Variants in CHMP4B observed in about 807,000 individuals in gnomAD.
CHMP4B encodes SNF7 homolog associated with Alix 1.
In CHMP4B, 1 loss-of-function variant was observed where a neutral mutation model predicts 25.1. The ratio of observed to expected loss-of-function variants is 0.04; its 90% CI spans 0.01 to 0.19. The LOEUF (loss-of-function observed/expected upper bound fraction) is 0.19, where lower values mean the gene tolerates loss of function less well. CHMP4B is among the 10% of genes least tolerant of loss of function. The probability of loss-of-function intolerance (pLI) is 1.00; values close to 1 mark genes in which losing one functional copy is unlikely to be tolerated. For synonymous variants in CHMP4B, 101 were observed against 115.6 expected (o/e 0.87, Z 0.81); for missense variants, 151 against 289.7 (o/e 0.52, Z 3.48).
rs747709067 is a variant in CHMP4B, at chr20:33,811,676, C to T, written c.190+18C>T. On this transcript the variant is annotated intron_variant, in intron 1 of 4. Transcript: ENST00000217402. Reference sequence around the variant, plus strand: ...CAAGCGCGGTGAGGCTGCCCGGCCCCTTCAGACTTGCCACGGGCTCCCCCC... The same window carrying T: ...CAAGCGCGGTGAGGCTGCCCGGCCCTTTCAGACTTGCCACGGGCTCCCCCC... 2 of 1,610,764 alleles carry T rather than the reference C, an allele frequency of 1.2e-6. No homozygotes were observed. Among genetic ancestry groups the T allele is most frequent in the Non-Finnish European group, 1.7e-6 (2 of 1,178,948 alleles).
At position 33,851,009 on chromosome 20, in the gene CHMP4B, A is replaced by G. The variant is rs1386844120; in HGVS notation, c.426A>G (p.Ala142=). The G allele has an allele frequency of 5.0e-6, 8 of 1,614,174 alleles. No homozygotes were observed. Among genetic ancestry groups the G allele is most frequent in the Non-Finnish European group, 6.8e-6 (8 of 1,179,968 alleles). ...MQDIADQQEL[A]EEISTAISKP... is the part of the protein sequence containing the mutation. ...ACATTGCTGACCAGCAAGAACTTGC[A>G]GAGGAGATTTCAACAGCAATTTCGA... is the stretch of plus-strand genomic sequence containing the variant. The change falls in exon 3 of 5, where the codon GCA becomes GCG. Residue 142 remains alanine (A), a synonymous_variant. Coordinates refer to ENST00000217402, the MANE Select transcript of CHMP4B (RefSeq NM_176812.5).
chr20:33,834,430 G>A (rs554012694), intron 1 of CHMP4B, among the ~76,000 whole-genome samples: 40 of 152,166 alleles, frequency 2.6e-4, no homozygotes, highest in Non-Finnish European at 2.8e-4. Flanking sequence ...CCTTGCCTCA[G>A]CTTCTCAAGT....
At chr20:33,817,581 C>T (rs540227570) in intron 1 of CHMP4B, among the ~76,000 whole-genome samples, 3 of 152,254 alleles carry the variant, frequency 2.0e-5, no homozygotes, top group African/African-American at 4.8e-5. Flanking sequence ...ATCTCCGAGG[C>T]GTAAAGCCAG....
At chr20:33,817,267 A>G (rs969369312) in intron 1 of CHMP4B, among the ~76,000 whole-genome samples, 1 of 152,220 alleles carries the variant, frequency 6.6e-6, no homozygotes, top group African/African-American at 2.4e-5. Flanking sequence ...TTACTTCCTA[A>G]GACAGATGGA....
intron 1 of CHMP4B, among the ~76,000 whole-genome samples, chr20:33,816,641 G>T (rs1160528464): frequency 6.6e-6 from 1 of 152,184 alleles, no homozygotes; most frequent in African/African-American, 2.4e-5. Context: ...AAATATCAAA[G>T]ATTCTTTTCT....
Position 33,814,964 on chromosome 20 carries a change from G to T in CHMP4B, c.190+3306G>T, listed in dbSNP as rs1978743783. Among the ~76,000 whole-genome samples, 3 of 144,496 alleles carry T rather than the reference G, an allele frequency of 2.1e-5. No individual in the cohort carries two copies. The South Asian group carries it at 6.2e-4, about 30-fold the overall frequency. 94.8% of individuals were successfully genotyped at this position (144,496 alleles called of 152,430 possible). On this transcript the variant is annotated intron_variant, in intron 1 of 4. Transcript: ENST00000217402. ...CAGCCCTTGGCTGGCTTTTAAAGCA[G>T]AGAGTCATCATATCTGTTTGGAATT...
chr20:33,847,790 C>T (rs547854836), intron 1 of CHMP4B, among the ~76,000 whole-genome samples: 3 of 152,178 alleles, frequency 2.0e-5, no homozygotes, highest in Admixed American at 6.5e-5. Flanking sequence ...CTTTTGAATA[C>T]ATTTCCAGAA....
intron 1 of CHMP4B, among the ~76,000 whole-genome samples, chr20:33,838,184 G>A (rs1459301377): frequency 1.3e-5 from 2 of 152,202 alleles, no homozygotes; most frequent in African/African-American, 2.4e-5. Flanking sequence ...GGAGGTTGTT[G>A]AACCTTTATG....
chr20:33,839,073 C>T (rs76800624), intron 1 of CHMP4B, among the ~76,000 whole-genome samples: 41 of 152,194 alleles, frequency 2.7e-4, no homozygotes, highest in Non-Finnish European at 5.0e-4. Context: ...AATAATAATC[C>T]CCTGACCCTT....
At position 33,811,607 on chromosome 20, in the gene CHMP4B, A is replaced by G. The variant is rs1361445390; in HGVS notation, c.139A>G (p.Ile47Val). 1.2e-6 allele frequency: 2 copies of G among 1,613,970 alleles called. No homozygotes were observed. The highest frequency in any genetic ancestry group is 2.2e-5 in the South Asian group (2 of 91,058). Residue 47 changes from isoleucine to valine, a missense_variant, in exon 1 of 5, where the codon ATC (isoleucine) becomes GTC (valine). Physicochemically the swap from Ile to Val is conservative, Grantham distance 29. Transcript: ENST00000217402. ...GAAACAGGAGTTCCTGGAGAAGAAA[A>G]TCGAGCAGGAGCTGACGGCCGCCAA... is the stretch of plus-strand genomic sequence containing the variant. ...SKKQEFLEKK[I>V]EQELTAAKKH...
chr20:33,845,790 A>C (rs752599163), intron 1 of CHMP4B, among the ~76,000 whole-genome samples: 4 of 152,176 alleles, frequency 2.6e-5, no homozygotes, highest in Non-Finnish European at 4.4e-5. Flanking sequence ...GTGGAAAAGG[A>C]ACACAGCACC....
At chr20:33,833,194 A>C (rs997879966) in intron 1 of CHMP4B, among the ~76,000 whole-genome samples, 1 of 152,178 alleles carries the variant, frequency 6.6e-6, no homozygotes, top group Admixed American at 6.5e-5. Context: ...TGAATTTTGA[A>C]GCCCATGGCC....
At chr20:33,811,716 C>G in intron 1 of CHMP4B, 58 bp downstream of exon 1, 1 of 1,541,280 alleles carries the variant, frequency 6.5e-7, no homozygotes, top group Non-Finnish European at 8.9e-7. Flanking sequence ...TCCCCGGGCC[C>G]GGACTTCACC....
intron 1 of CHMP4B, among the ~76,000 whole-genome samples, chr20:33,826,627 G>A (rs188927032): frequency 3.3e-5 from 5 of 152,174 alleles, no homozygotes; most frequent in Admixed American, 2.6e-4. Context: ...GTGTATCTGG[G>A]GACTGTTCCC....
In CHMP4B at chr20:33,852,077, G is replaced by A. The variant is rs757406600; in HGVS notation, c.484G>A (p.Asp162Asn). ...CTCACTTTGTGTTTCCTTTTACTAG[G>A]ATGAGCTCATGGCGGAATTAGAAGA... Reference protein sequence around the residue: ...PVGFGEEFDEDELMAELEELE... With the variant: ...PVGFGEEFDENELMAELEELE... The change falls in exon 4 of 5, where the codon GAT becomes AAT. Residue 162 changes from aspartate (D) to asparagine (N), a missense_variant and splice_region_variant. By Grantham distance (23) the Asp-to-Asn change is conservative. Coordinates refer to ENST00000217402, the MANE Select transcript of CHMP4B (RefSeq NM_176812.5). 2 of 1,614,108 alleles carry A rather than the reference G, an allele frequency of 1.2e-6. No homozygotes were observed. Among genetic ancestry groups the A allele is most frequent in the South Asian group, 2.2e-5 (2 of 91,080 alleles).
At chr20:33,851,476 C>G (rs2378024) in intron 3 of CHMP4B, among the ~76,000 whole-genome samples, 74,155 of 150,138 alleles carry the variant, frequency 0.49, 18,956 homozygotes, top group East Asian at 0.91. Flanking sequence ...GGGTATCTGT[C>G]TAGATCTCGG....
intron 1 of CHMP4B, among the ~76,000 whole-genome samples, chr20:33,813,556 A>G (rs558512259): frequency 1.2e-3 from 181 of 152,270 alleles, no homozygotes; most frequent in African/African-American, 4.1e-3. Flanking sequence ...TGCTGTCTCT[A>G]GCTTTTTCCT....
intron 1 of CHMP4B, among the ~76,000 whole-genome samples, chr20:33,814,703 G>A (rs970468561): frequency 7.2e-5 from 11 of 152,310 alleles, no homozygotes; most frequent in African/African-American, 2.6e-4. Context: ...CATCCAGGCC[G>A]AAGTGCAGTG....
At chr20:33,835,550 T>TAA (rs1274378007) in intron 1 of CHMP4B, among the ~76,000 whole-genome samples, 3 of 152,224 alleles carry the variant, frequency 2.0e-5, no homozygotes, top group African/African-American at 7.2e-5. Context: ...TTTGGATAGT[T>TAA]TTTATTGCTA....
Sources: gnomAD v4.1 joint callset for allele counts (sites outside exome capture counted in the v4.1 genomes callset) on GRCh38, gnomAD v4.1.1 for gene constraint, MANE v1.5 for transcripts, NCBI Gene and HGNC (gene_info 2026-07-23, HGNC 2026-07-21) for gene names.